Variants in TAF3 observed in about 807,000 individuals in gnomAD.
TAF3 encodes the protein transcription initiation factor TFIID subunit 3.
Under a neutral mutation model 80.6 loss-of-function variants are expected in TAF3, and 7 were observed. The ratio of observed to expected loss-of-function variants is 0.09; its 90% CI spans 0.05 to 0.16. The LOEUF is 0.16. Ranked by LOEUF, TAF3 falls within the 10% of genes least tolerant of loss-of-function variation. The pLI, the probability that TAF3 is intolerant of heterozygous loss-of-function variation, is 1.00. For synonymous variants in TAF3, 444 were observed against 446.1 expected (o/e 1.00, Z 0.06); for missense variants, 921 against 1,140.2 (o/e 0.81, Z 2.77).
intron 4 of TAF3, among the ~76,000 whole-genome samples, chr10:8,000,191 A>G (rs1278228791): frequency 6.6e-6 from 1 of 152,030 alleles, no homozygotes; most frequent in East Asian, 1.9e-4. Flanking sequence ...GTGCAGTGGC[A>G]CTATCTCAGC....
At chr10:7,852,317 C>T (rs778770722) in intron 2 of TAF3, among the ~76,000 whole-genome samples, 6 of 152,198 alleles carry the variant, frequency 3.9e-5, no homozygotes, top group African/African-American at 1.4e-4. Context: ...ATGTTATAAA[C>T]GTTTGTTGGT....
At chr10:7,888,798 T>C (rs1282597597) in intron 2 of TAF3, among the ~76,000 whole-genome samples, 2 of 152,254 alleles carry the variant, frequency 1.3e-5, no homozygotes, top group Non-Finnish European at 2.9e-5. Flanking sequence ...CACGTTGTGC[T>C]TTTAAGATGA....
chr10:7,954,420 G>A (rs1158514273), intron 2 of TAF3, among the ~76,000 whole-genome samples: 1 of 103,754 alleles, frequency 9.6e-6, no homozygotes, highest in South Asian at 4.1e-4. Flanking sequence ...TAGTTAACAC[G>A]AGCTCTCCAT....
At chr10:7,949,655 T>C (rs1175962633) in intron 2 of TAF3, among the ~76,000 whole-genome samples, 1 of 152,236 alleles carries the variant, frequency 6.6e-6, no homozygotes, top group Admixed American at 6.5e-5. Context: ...GAGATATCAG[T>C]TGTAAGACAC....
intron 2 of TAF3, among the ~76,000 whole-genome samples, chr10:7,865,457 G>T (rs184718830): frequency 6.6e-6 from 1 of 151,396 alleles, no homozygotes; most frequent in Non-Finnish European, 1.5e-5. Context: ...CCAGCCTGGG[G>T]GACAGAGTGA....
intron 4 of TAF3, among the ~76,000 whole-genome samples, chr10:8,005,606 G>A (rs150483250): frequency 6.5e-4 from 99 of 152,314 alleles, no homozygotes; most frequent in African/African-American, 2.2e-3. Flanking sequence ...TGCCTAATGC[G>A]TAAATGCCCT....
intron 2 of TAF3, among the ~76,000 whole-genome samples, chr10:7,960,009 C>A (rs1456717885): frequency 6.6e-6 from 1 of 152,128 alleles, no homozygotes; most frequent in Non-Finnish European, 1.5e-5. Flanking sequence ...ACTGTTAGAG[C>A]TGAGCTATAT....
intron 2 of TAF3, among the ~76,000 whole-genome samples, chr10:7,829,857 A>G (rs1836781014): frequency 6.6e-6 from 1 of 152,184 alleles, no homozygotes; most frequent in Non-Finnish European, 1.5e-5. Context: ...ATATGTTGTT[A>G]GGAACTCTTC....
intron 2 of TAF3, among the ~76,000 whole-genome samples, chr10:7,868,821 C>T (rs1312888355): frequency 6.6e-6 from 1 of 152,068 alleles, no homozygotes; most frequent in African/African-American, 2.4e-5. Flanking sequence ...ATCTGTTTTA[C>T]TTATAAGGCA....
At chr10:7,913,496 C>T (rs1837676938) in intron 2 of TAF3, among the ~76,000 whole-genome samples, 1 of 152,162 alleles carries the variant, frequency 6.6e-6, no homozygotes, top group Admixed American at 6.5e-5. Context: ...AGATTGCCAA[C>T]CCATTTATTA....
At chr10:7,957,843 C>CTAT (rs1197792218) in intron 2 of TAF3, among the ~76,000 whole-genome samples, 5 of 140,428 alleles carry the variant, frequency 3.6e-5, no homozygotes, top group Admixed American at 1.5e-4. Context: ...TGGAACACAG[C>CTAT]TATTATTATT....
chr10:7,935,393 C>T (rs1034283717), intron 2 of TAF3, among the ~76,000 whole-genome samples: 4 of 151,966 alleles, frequency 2.6e-5, no homozygotes, highest in Non-Finnish European at 4.4e-5. Context: ...GTCAGGAGAT[C>T]GAGACCATGG....
chr10:7,986,359 C>G (rs1386434351), intron 4 of TAF3, among the ~76,000 whole-genome samples: 1 of 152,136 alleles, frequency 6.6e-6, no homozygotes, highest in African/African-American at 2.4e-5. Flanking sequence ...AAAACTGAAC[C>G]CAGCATTATT....
intron 2 of TAF3, among the ~76,000 whole-genome samples, chr10:7,920,863 T>G (rs1396986399): frequency 6.6e-6 from 1 of 152,208 alleles, no homozygotes; most frequent in African/African-American, 2.4e-5. Flanking sequence ...TAACAGTGAT[T>G]TATACTGTAG....
chr10:7,993,687 C>A (rs1831855961), intron 4 of TAF3, among the ~76,000 whole-genome samples: 1 of 152,074 alleles, frequency 6.6e-6, no homozygotes, highest in South Asian at 2.1e-4. Flanking sequence ...CTATATACTT[C>A]TTATTACTTC....
At chr10:7,996,646 T>G (rs74613900) in intron 4 of TAF3, among the ~76,000 whole-genome samples, 14 of 148,980 alleles carry the variant, frequency 9.4e-5, no homozygotes, top group African/African-American at 1.5e-4. Flanking sequence ...GTGAGGGGGG[T>G]TTTTTTTGTG....
chr10:7,879,159 T>C (rs1191837596), intron 2 of TAF3, among the ~76,000 whole-genome samples: 2 of 152,200 alleles, frequency 1.3e-5, no homozygotes, highest in Non-Finnish European at 2.9e-5. Flanking sequence ...TTTTTTGAAG[T>C]GTTATTTTAA....
chr10:7,936,237 A>T (rs943629111), intron 2 of TAF3, among the ~76,000 whole-genome samples: 4 of 152,220 alleles, frequency 2.6e-5, no homozygotes, highest in Non-Finnish European at 5.9e-5. Context: ...ATTTTCCTGA[A>T]GTAAAACAAT....
Position 8,015,616 on chromosome 10 carries a change from T to A in TAF3, c.*865T>A, listed in dbSNP as rs975987612. 4.6e-5 allele frequency: 7 copies of A among 152,248 alleles called. No individual in the cohort carries two copies. Among genetic ancestry groups the A allele is most frequent in the African/African-American group, 1.7e-4 (7 of 41,550 alleles). The allele number at this position is 152,248 out of a possible 1,614,324, so 9.4% of individuals were successfully genotyped here. A position where few individuals can be genotyped will look rare whatever the true frequency, so the allele number is the denominator to read the frequency against. ...TCCACTGTGATTTCAGCCAGGTCTG[T>A]AATGACGCTGGACAGAAACAAGGCT... On this transcript the variant is annotated 3_prime_UTR_variant, in exon 7 of 7. Transcript: ENST00000344293.
Sources: gnomAD v4.1 joint callset for allele counts (sites outside exome capture counted in the v4.1 genomes callset) on GRCh38, gnomAD v4.1.1 for gene constraint, MANE v1.5 for transcripts, NCBI Gene and HGNC (gene_info 2026-07-23, HGNC 2026-07-21) for gene names.